Variants in FUT8 observed in about 807,000 individuals in gnomAD.
The protein encoded by FUT8 is alpha-(1,6)-fucosyltransferase.
In FUT8, 29 loss-of-function variants were observed where a neutral mutation model predicts 71.3. That is an observed-to-expected ratio of 0.41 (90% confidence interval 0.30 to 0.55). The LOEUF is 0.55. Ranked by LOEUF, FUT8 falls within the 20% of genes least tolerant of loss-of-function variation. The pLI is 0.34. For missense variants in FUT8, 544 were observed against 702.1 expected (o/e 0.77, Z 2.55); for synonymous variants, 254 against 239.3 (o/e 1.06, Z -0.57).
In FUT8 at chr14:65,627,734, G is replaced by A. The variant is rs887051679; in HGVS notation, c.483-1758G>A. Among the ~76,000 whole-genome samples, 12 of 152,174 alleles carry A rather than the reference G, an allele frequency of 7.9e-5. No individual in the cohort carries two copies. Among genetic ancestry groups the A allele is most frequent in the South Asian group, 4.1e-4 (2 of 4,828 alleles). On this transcript the variant is annotated intron_variant, in intron 5 of 10. Transcript: ENST00000673929. The surrounding 1 kb of genome is among the most constrained non-coding windows in gnomAD (Gnocchi z 4.0). ...TCTGCCATTTTGCCTCTTAGTACGC[G>A]TTTGAGCCAACTCACACAACTCTTG... is the stretch of plus-strand genomic sequence containing the variant.
At chr14:65,469,052 C>T (rs751669632) in intron 2 of FUT8, among the ~76,000 whole-genome samples, 12 of 152,096 alleles carry the variant, frequency 7.9e-5, no homozygotes, top group Non-Finnish European at 1.2e-4. Context: ...TGGTGGCATG[C>T]ACCTGTAGTC....
intron 7 of FUT8, among the ~76,000 whole-genome samples, chr14:65,697,884 AGAAT>A (rs1894074991): frequency 6.6e-6 from 1 of 152,094 alleles, no homozygotes; most frequent in Non-Finnish European, 1.5e-5. Flanking sequence ...CTGAGGCAGG[AGAAT>A]CACTTGAACC....
intron 1 of FUT8, among the ~76,000 whole-genome samples, chr14:65,436,646 A>G (rs999977210): frequency 7.3e-6 from 1 of 136,946 alleles, no homozygotes; most frequent in Non-Finnish European, 1.6e-5. Flanking sequence ...AAAAAAAAAA[A>G]GTTTTTTTCC....
chr14:65,461,146 C>T (rs570970591), intron 2 of FUT8, among the ~76,000 whole-genome samples: 2 of 152,288 alleles, frequency 1.3e-5, no homozygotes, highest in East Asian at 3.9e-4. Flanking sequence ...TCTCCGAAGG[C>T]TCTAGGTAAG....
intron 7 of FUT8, among the ~76,000 whole-genome samples, chr14:65,716,159 A>G (rs1269393574): frequency 2.6e-5 from 4 of 152,188 alleles, no homozygotes; most frequent in African/African-American, 9.6e-5. Context: ...TTTCTGATGC[A>G]GATTAAGTCT....
chr14:65,463,404 T>C (rs1346602657), intron 2 of FUT8, among the ~76,000 whole-genome samples: 1 of 152,128 alleles, frequency 6.6e-6, no homozygotes, highest in Non-Finnish European at 1.5e-5. Flanking sequence ...GTTGCTGCGA[T>C]TGCAGGTGCA....
chr14:65,539,765 A>G (rs1400694645), intron 2 of FUT8, among the ~76,000 whole-genome samples: 2 of 152,204 alleles, frequency 1.3e-5, no homozygotes, highest in African/African-American at 4.8e-5. Flanking sequence ...TTTTCAGCCA[A>G]TTATGTATAA....
At chr14:65,727,414 G>A (rs764094251) in intron 9 of FUT8, among the ~76,000 whole-genome samples, 11 of 152,142 alleles carry the variant, frequency 7.2e-5, no homozygotes, top group Non-Finnish European at 1.3e-4. Flanking sequence ...ACTTCTGTGC[G>A]CTCACAGGCC....
intron 7 of FUT8, among the ~76,000 whole-genome samples, chr14:65,677,428 T>G (rs1410184702): frequency 6.6e-6 from 1 of 152,114 alleles, no homozygotes; most frequent in African/African-American, 2.4e-5. Context: ...CAATTTAAGT[T>G]TAGTCTCCTA....
rs1001623768 is a variant in FUT8 at position 65,530,362 on chromosome 14, T to G, written c.-227-30975T>G. 3.3e-5 allele frequency among the ~76,000 whole-genome samples: 5 copies of G among 152,164 alleles called. 1 individual carries two copies. ...CTGATTTTCAATGTCAGATCATCAG[T>G]TGTGCAATGTCATATACATTGTTTG... On this transcript the variant is annotated intron_variant, in intron 2 of 10. Transcript: ENST00000673929.
rs893989885 is a variant in FUT8 at position 65,489,860 on chromosome 14, A to G, written c.-228+34142A>G. Reference sequence around the variant, plus strand: ...CATGCAAGTTTTTGCACAAATATCAAAGAAATTCAGTGTACTTTCTTTTCA... The same window carrying G: ...CATGCAAGTTTTTGCACAAATATCAGAGAAATTCAGTGTACTTTCTTTTCA... On this transcript the variant is annotated intron_variant, in intron 2 of 10. Transcript: ENST00000673929. This position sits in a 1 kb window ranked among gnomAD's most constrained non-coding sequence, Gnocchi z 4.0. 8.5e-5 allele frequency among the ~76,000 whole-genome samples: 13 copies of G among 152,124 alleles called. No individual in the cohort carries two copies. The highest frequency in any genetic ancestry group is 1.2e-4 in the Non-Finnish European group (8 of 67,978).
chr14:65,679,723 A>G, intron 7 of FUT8, among the ~76,000 whole-genome samples: 1 of 152,014 alleles, frequency 6.6e-6, no homozygotes, highest in East Asian at 1.9e-4. Flanking sequence ...ATTATACTAT[A>G]TGTAAAAATT....
intron 6 of FUT8, among the ~76,000 whole-genome samples, chr14:65,657,256 A>T (rs1320177719): frequency 1.3e-5 from 2 of 152,190 alleles, no homozygotes; most frequent in African/African-American, 4.8e-5. Context: ...CACTATGAAG[A>T]ACAGTTTGGG....
chr14:65,369,187 T>G, the FUT8 span, among the ~76,000 whole-genome samples: 1 of 152,144 alleles, frequency 6.6e-6, no homozygotes, highest in Non-Finnish European at 1.5e-5. The surrounding 1 kb of genome is among the most constrained non-coding windows in gnomAD (Gnocchi z 4.6). Flanking sequence ...AGTTAAGCCT[T>G]ACAGATTAGG....
intron 3 of FUT8, among the ~76,000 whole-genome samples, chr14:65,572,357 C>T (rs1326882674): frequency 6.6e-6 from 1 of 152,136 alleles, no homozygotes; most frequent in African/African-American, 2.4e-5. Flanking sequence ...CTCATTTAAT[C>T]CCTATAGCAG....
At chr14:65,521,860 ATCT>A (rs1360714758) in intron 2 of FUT8, among the ~76,000 whole-genome samples, 1 of 139,160 alleles carries the variant, frequency 7.2e-6, no homozygotes, top group African/African-American at 2.5e-5. Flanking sequence ...TTTTGGAGGA[ATCT>A]TCTTCTTTTT....
chr14:65,617,559 C>T (rs961922314), intron 5 of FUT8, among the ~76,000 whole-genome samples: 1 of 152,116 alleles, frequency 6.6e-6, no homozygotes, highest in Non-Finnish European at 1.5e-5. Context: ...TAGGCCAATT[C>T]ACATCTGAAG....
intron 9 of FUT8, among the ~76,000 whole-genome samples, chr14:65,724,906 T>G (rs771548231): frequency 3.3e-5 from 5 of 152,142 alleles, no homozygotes; most frequent in Admixed American, 6.5e-5. Context: ...CATCTAAGCC[T>G]AATTATTTCT....
Position 65,668,224 on chromosome 14 carries a change from G to T in FUT8, c.598-1019G>T, listed in dbSNP as rs74698687. On this transcript the variant is annotated intron_variant, in intron 6 of 10. Coordinates refer to ENST00000673929, the MANE Select transcript of FUT8 (RefSeq NM_001371533.1). The stretch of plus-strand genomic sequence containing the variant: ...CAACAGAAACAAAAATTGGCAAACA[G>T]AACCTAATTAAAGAGCTTCTGAACA... Among the ~76,000 whole-genome samples, 875 of 152,178 alleles carry T rather than the reference G, an allele frequency of 5.7e-3. 30 individuals are homozygous for T. In the East Asian group the frequency reaches 0.093, roughly 16 times the overall value.
Sources: allele counts gnomAD v4.1 joint callset (sites outside exome capture counted in the v4.1 genomes callset), GRCh38; gene constraint gnomAD v4.1.1; non-coding constraint Gnocchi (gnomAD v3.1); transcripts MANE v1.5; gene names NCBI Gene and HGNC (gene_info 2026-07-23, HGNC 2026-07-21).